DOCK1: variants seen among roughly 807,000 people sequenced by gnomAD.
DOCK1 encodes the protein dedicator of cytokinesis protein 1.
In DOCK1, 138 loss-of-function variants were observed where a neutral mutation model predicts 262.7. The observed-to-expected ratio is 0.53, with a 90% CI of 0.46 to 0.61. The LOEUF is 0.61. Among genes scored for constraint, DOCK1 ranks in the 20% least tolerant of loss-of-function variants. The pLI, the probability that DOCK1 is intolerant of heterozygous loss-of-function variation, is 0.00. For synonymous variants in DOCK1, 866 were observed against 867.4 expected (o/e 1.00, Z 0.03); for missense variants, 1,908 against 2,370.7 (o/e 0.80, Z 4.05).
chr10:127,010,205 G>C (rs1565059672), intron 11 of DOCK1, among the ~76,000 whole-genome samples: 1 of 152,210 alleles, frequency 6.6e-6, no homozygotes, highest in Admixed American at 6.5e-5. Flanking sequence ...AGTGGCTCAT[G>C]CCTGTAATCC....
At chr10:127,344,486 T>C (rs2063549018) in intron 31 of DOCK1, 1 of 152,226 alleles carries the variant, frequency 6.6e-6, no homozygotes, top group South Asian at 2.1e-4. Flanking sequence ...TGAAATTGCA[T>C]TGGTGTTGCC....
At chr10:127,387,982 C>T (rs1395371849) in intron 38 of DOCK1, among the ~76,000 whole-genome samples, 1 of 151,904 alleles carries the variant, frequency 6.6e-6, no homozygotes, top group African/African-American at 2.4e-5. Context: ...CAACTGAGAT[C>T]TGCAGGAGGC....
intron 1 of DOCK1, among the ~76,000 whole-genome samples, chr10:126,917,237 G>A (rs1256106828): frequency 5.9e-5 from 9 of 152,196 alleles, no homozygotes; most frequent in South Asian, 4.1e-4. Context: ...GCTCCTCTCC[G>A]CTCAGGTTAG....
intron 16 of DOCK1, among the ~76,000 whole-genome samples, chr10:127,031,165 A>T (rs1332418869): frequency 6.6e-6 from 1 of 152,170 alleles, no homozygotes; most frequent in Non-Finnish European, 1.5e-5. Context: ...TCCTTGGTGG[A>T]ATGGTCTGCC....
chr10:126,932,374 CAG>C (rs1447658427), intron 1 of DOCK1, among the ~76,000 whole-genome samples: 2 of 152,218 alleles, frequency 1.3e-5, no homozygotes, highest in East Asian at 3.9e-4. Flanking sequence ...CTCCAAAAAA[CAG>C]AACAAACAAA....
At chr10:127,363,338 C>A (rs551576590) in intron 33 of DOCK1, among the ~76,000 whole-genome samples, 1 of 152,056 alleles carries the variant, frequency 6.6e-6, no homozygotes, top group Non-Finnish European at 1.5e-5. Flanking sequence ...GGTGAGACTC[C>A]GTCTCTACAA....
At chr10:126,987,327 A>G (rs2039475668) in intron 4 of DOCK1, among the ~76,000 whole-genome samples, 194 bp from the exon 5 acceptor site, 1 of 152,186 alleles carries the variant, frequency 6.6e-6, no homozygotes, top group South Asian at 2.1e-4. Context: ...GAACCTTCCC[A>G]AGCTCTGTAC....
intron 27 of DOCK1, among the ~76,000 whole-genome samples, chr10:127,233,519 A>G (rs771717415): frequency 3.3e-5 from 5 of 152,348 alleles, no homozygotes; most frequent in South Asian, 2.1e-4. Flanking sequence ...TGCCAAGTGC[A>G]TAACTATTAA....
At position 127,451,641 on chromosome 10, in the gene DOCK1, G is replaced by A. The variant is rs185144600; in HGVS notation, c.*214G>A. 3.3e-4 allele frequency: 390 copies of A among 1,178,118 alleles called. 1 individual carries two copies. In the East Asian group the frequency reaches 3.7e-3, roughly 11 times the overall value. 73.0% of individuals were successfully genotyped at this position (1,178,118 alleles called of 1,614,324 possible). On this transcript the variant is annotated 3_prime_UTR_variant, in exon 52 of 52. Transcript: ENST00000623213. Reference sequence around the variant, plus strand: ...GGGTCTGGGAGGTAGATATGGGTCCGGGATGTGCTATCGTAGTTATCAGAG... The same window carrying A: ...GGGTCTGGGAGGTAGATATGGGTCCAGGATGTGCTATCGTAGTTATCAGAG...
At chr10:127,075,400 T>C (rs2046467234) in intron 23 of DOCK1, among the ~76,000 whole-genome samples, 1 of 152,062 alleles carries the variant, frequency 6.6e-6, no homozygotes. Context: ...GCTTCCAAAG[T>C]AGCTGGGACT....
At chr10:126,934,342 C>T (rs946984687) in intron 1 of DOCK1, among the ~76,000 whole-genome samples, 26 of 152,206 alleles carry the variant, frequency 1.7e-4, no homozygotes, top group African/African-American at 5.8e-4. Context: ...ACAAATGCTA[C>T]GCTCAGGGGT....
At chr10:126,970,673 C>T (rs768302237) in intron 1 of DOCK1, 29 bp from the exon 2 acceptor site, 1 of 1,551,462 alleles carries the variant, frequency 6.4e-7, no homozygotes, top group Non-Finnish European at 8.9e-7. Flanking sequence ...TTTACTATTA[C>T]TAATATATTT....
intron 1 of DOCK1, among the ~76,000 whole-genome samples, chr10:126,948,555 G>A (rs1052082344): frequency 1.7e-4 from 26 of 151,996 alleles, no homozygotes; most frequent in Middle Eastern, 6.8e-3. Context: ...TTTTACGTGG[G>A]GTGGGGTCGG....
intron 40 of DOCK1, among the ~76,000 whole-genome samples, chr10:127,405,442 T>A (rs1181958977): frequency 2.4e-5 from 1 of 42,168 alleles, no homozygotes; most frequent in Non-Finnish European, 4.6e-5. Context: ...TTCTTATGAC[T>A]TTTTTTTTTT....
intron 6 of DOCK1, among the ~76,000 whole-genome samples, chr10:126,994,390 G>A (rs1230555229): frequency 3.3e-5 from 5 of 152,136 alleles, no homozygotes; most frequent in Non-Finnish European, 5.9e-5. Context: ...CAGGGTCATA[G>A]GACAATAGTG....
At chr10:127,424,555 A>G (rs988110987) in intron 46 of DOCK1, among the ~76,000 whole-genome samples, 1 of 152,110 alleles carries the variant, frequency 6.6e-6, no homozygotes, top group African/African-American at 2.4e-5. Flanking sequence ...GAGAGACCCA[A>G]CACATTCGAC....
At chr10:127,112,798 C>T (rs1435271120) in intron 25 of DOCK1, among the ~76,000 whole-genome samples, 2 of 152,192 alleles carry the variant, frequency 1.3e-5, no homozygotes, top group Non-Finnish European at 2.9e-5. Context: ...TAACTGGCAG[C>T]TCAAATGTAC....
At chr10:127,374,325 A>G in intron 35 of DOCK1, 111 bp downstream of exon 35, 4 of 1,336,392 alleles carry the variant, frequency 3.0e-6, no homozygotes, top group Non-Finnish European at 4.0e-6. Context: ...TTTCCACCGC[A>G]GAACAATCTC....
intron 27 of DOCK1, among the ~76,000 whole-genome samples, chr10:127,208,893 T>C (rs940722555): frequency 5.9e-5 from 9 of 152,222 alleles, no homozygotes; most frequent in African/African-American, 2.2e-4. Context: ...TGCCTGTCAT[T>C]AAGACTGTGG....
Sources: allele counts gnomAD v4.1 joint callset (sites outside exome capture counted in the v4.1 genomes callset), GRCh38; gene constraint gnomAD v4.1.1; transcripts MANE v1.5; gene names NCBI Gene and HGNC (gene_info 2026-07-23, HGNC 2026-07-21).